The following VNN1 variants were observed in gnomAD, a reference collection of about 807,000 sequenced individuals.
VNN1 encodes the protein pantetheinase.
VNN1 carries 29 observed loss-of-function variants against 41.9 expected under a neutral mutation model. The observed-to-expected ratio is 0.69, with a 90% CI of 0.52 to 0.94. The LOEUF (loss-of-function observed/expected upper bound fraction) is 0.94. VNN1 is among the 40% of genes least tolerant of loss of function. The pLI, the probability that VNN1 is intolerant of heterozygous loss-of-function variation, is 0.00. For synonymous variants in VNN1, 233 were observed against 224.4 expected, an observed-to-expected ratio of 1.04 and a Z score of -0.34; for missense variants, 637 against 621.1, an observed-to-expected ratio of 1.03 and a Z score of -0.27.
chr6:132,712,139 A>AT (rs140079711), intron 1 of VNN1, among the ~76,000 whole-genome samples: 6,410 of 134,368 alleles, frequency 0.048, 307 homozygotes, highest in South Asian at 0.14. Context: ...CTAGTCAAGC[A>AT]TTTTTTTTTC....
At chr6:132,687,890 A>C (rs1401097934) in intron 5 of VNN1, among the ~76,000 whole-genome samples, 3 of 152,194 alleles carry the variant, frequency 2.0e-5, no homozygotes, top group African/African-American at 7.2e-5. Flanking sequence ...AAAACTATAA[A>C]AGCAAAACTC....
In VNN1 at chr6:132,713,848, G is replaced by A. The variant is rs45500693; in HGVS notation, c.188C>T (p.Ala63Val). ...TACCTGATCTGCTGCTGATGTGATC[G>A]CTCCTTCCAAAATGTCCAGATTCCG... ...MNRNLDILEG[A>V]ITSAADQGAH... Residue 63 changes from alanine to valine, a missense_variant, in exon 1 of 7, where the codon GCG (alanine) becomes GTG (valine). By Grantham distance (64) the Ala-to-Val change is moderately conservative. Transcript: ENST00000367928. 2.9e-3 allele frequency: 4,700 copies of A among 1,612,970 alleles called. 15 individuals are homozygous for A. Among genetic ancestry groups the A allele is most frequent in the Non-Finnish European group, 3.6e-3 (4,269 of 1,180,014 alleles).
At chr6:132,698,259 T>C (rs1475565090) in intron 2 of VNN1, among the ~76,000 whole-genome samples, 1 of 152,234 alleles carries the variant, frequency 6.6e-6, no homozygotes, top group East Asian at 1.9e-4. Context: ...AAGGCTGCTT[T>C]CAAAGTGTTC....
At chr6:132,697,808 C>A (rs58707062) in intron 2 of VNN1, among the ~76,000 whole-genome samples, 1 of 152,054 alleles carries the variant, frequency 6.6e-6, no homozygotes, top group Non-Finnish European at 1.5e-5. Context: ...GAAAGAACAA[C>A]CGTTCAATAG....
At position 132,684,517 on chromosome 6, in the gene VNN1, A is replaced by G. The variant is rs774157224; in HGVS notation, c.1189-12T>C. The G allele has an allele frequency of 3.1e-6, 5 of 1,612,874 alleles. No individual in the cohort carries two copies. The Middle Eastern group carries it at 6.6e-4, about 212-fold the overall frequency. On this transcript the variant is annotated splice_polypyrimidine_tract_variant and intron_variant, in intron 5 of 6. Coordinates refer to ENST00000367928, the MANE Select transcript of VNN1 (RefSeq NM_004666.3). Reference sequence around the variant, plus strand: ...AACAGGGTACAAATCTAGGGAAGTCATGAAAACCAGTAAGTCATAAGAAAG... The same window carrying G: ...AACAGGGTACAAATCTAGGGAAGTCGTGAAAACCAGTAAGTCATAAGAAAG...
At chr6:132,683,380 C>A in intron 6 of VNN1, 58 bp from the exon 7 acceptor site, 1 of 1,518,318 alleles carries the variant, frequency 6.6e-7, no homozygotes, top group South Asian at 1.2e-5. Flanking sequence ...TCCCATAAAT[C>A]ACTTTTAAAA....
intron 2 of VNN1, among the ~76,000 whole-genome samples, chr6:132,709,259 C>A (rs893119967): frequency 1.4e-5 from 2 of 147,658 alleles, no homozygotes; most frequent in Non-Finnish European, 3.0e-5. Flanking sequence ...ACATTTATTA[C>A]CTCCCCACAC....
chr6:132,687,405 A>T (rs1778224582), intron 5 of VNN1, among the ~76,000 whole-genome samples: 1 of 152,228 alleles, frequency 6.6e-6, no homozygotes, highest in African/African-American at 2.4e-5. Flanking sequence ...CAAGCCCAAA[A>T]CAAGGAAGAC....
intron 5 of VNN1, among the ~76,000 whole-genome samples, chr6:132,685,487 C>T (rs2251455): frequency 1.3e-5 from 2 of 151,956 alleles, no homozygotes; most frequent in African/African-American, 4.8e-5. Flanking sequence ...TTATTTCCTA[C>T]AATCCTTCAA....
rs1279157091 is a variant in VNN1, at chr6:132,682,311, G to T, written c.*829C>A. On this transcript the variant is annotated 3_prime_UTR_variant, in exon 7 of 7. Transcript: ENST00000367928. Reference sequence around the variant, plus strand: ...TACAGTAGAAAACAGTAGTGGTGGGGAGAGGAACAGGAATGGGTCTTTGAT... The same window carrying T: ...TACAGTAGAAAACAGTAGTGGTGGGTAGAGGAACAGGAATGGGTCTTTGAT... The T allele has an allele frequency of 6.6e-6, 1 of 152,286 alleles. No individual in the cohort carries two copies. Among genetic ancestry groups the T allele is most frequent in the South Asian group, 2.1e-4 (1 of 4,836 alleles). 9.4% of individuals were successfully genotyped at this position (152,286 alleles called of 1,614,324 possible). A position where few individuals can be genotyped will look rare whatever the true frequency, so the allele number is the denominator to read the frequency against.
intron 5 of VNN1, among the ~76,000 whole-genome samples, chr6:132,689,262 TGTTGA>T (rs1297241508): frequency 6.6e-6 from 1 of 150,426 alleles, no homozygotes; most frequent in Non-Finnish European, 1.5e-5. Context: ...CTCTCTCGTT[TGTTGA>T]GAAACACACA....
chr6:132,709,761 A>C (rs1301383345), intron 2 of VNN1, among the ~76,000 whole-genome samples: 1 of 152,130 alleles, frequency 6.6e-6, no homozygotes, highest in Non-Finnish European at 1.5e-5. Context: ...GTGTTCCTTG[A>C]AATGAAGTGA....
At chr6:132,694,916 G>A (rs1407987527) in intron 2 of VNN1, among the ~76,000 whole-genome samples, 1 of 152,092 alleles carries the variant, frequency 6.6e-6, no homozygotes, top group Admixed American at 6.5e-5. Context: ...ATTTTGGGAG[G>A]CCGAGGTGGG....
intron 4 of VNN1, 52 bp downstream of exon 4, chr6:132,692,972 T>TC: frequency 6.7e-7 from 1 of 1,501,410 alleles, no homozygotes; most frequent in Non-Finnish European, 8.9e-7. Context: ...GTTTTTTTTT[T>TC]CTTTTCTTTT....
At position 132,692,135 on chromosome 6, in the gene VNN1, T is replaced by G. The variant is rs945143114; in HGVS notation, c.1188+88A>C. On this transcript the variant is annotated intron_variant, in intron 5 of 6. Transcript: ENST00000367928. ...CCCCAAAAGTGTGATATGCTTATAC[T>G]AAAAAATCATTCATTATTTATCTAA... 2.6e-5 allele frequency: 36 copies of G among 1,392,106 alleles called. No individual in the cohort carries two copies. In the African/African-American group the frequency reaches 5.1e-4, roughly 20 times the overall value. The allele number at this position is 1,392,106 out of a possible 1,614,324, so 86.2% of individuals were successfully genotyped here.
intron 6 of VNN1, among the ~76,000 whole-genome samples, chr6:132,683,695 G>C (rs1778163764): frequency 6.6e-6 from 1 of 152,150 alleles, no homozygotes; most frequent in Non-Finnish European, 1.5e-5. Flanking sequence ...CTGAGCATCT[G>C]TCATCTCCTG....
At chr6:132,696,061 T>C (rs1009794294) in intron 2 of VNN1, among the ~76,000 whole-genome samples, 12 of 152,046 alleles carry the variant, frequency 7.9e-5, no homozygotes, top group African/African-American at 2.4e-4. Context: ...TTTAAAACAA[T>C]GGTTTTACAG....
At chr6:132,699,951 G>A (rs1347723434) in intron 2 of VNN1, among the ~76,000 whole-genome samples, 1 of 152,096 alleles carries the variant, frequency 6.6e-6, no homozygotes, top group African/African-American at 2.4e-5. Context: ...TTAATAGCAT[G>A]AATTTTGAAA....
At chr6:132,711,626 C>A in intron 2 of VNN1, 83 bp downstream of exon 2, 1 of 1,451,892 alleles carries the variant, frequency 6.9e-7, no homozygotes, top group Non-Finnish European at 9.4e-7. Flanking sequence ...GATCATGGAT[C>A]TATGCAATGA....
Sources: allele counts gnomAD v4.1 joint callset (sites outside exome capture counted in the v4.1 genomes callset), GRCh38; gene constraint gnomAD v4.1.1; transcripts MANE v1.5; gene names NCBI Gene and HGNC (gene_info 2026-07-23, HGNC 2026-07-21).